Variants in NBEAL1 observed in about 807,000 individuals in gnomAD.
The protein encoded by NBEAL1 is neurobeachin-like protein 1.
A neutral mutation model predicts 351.3 loss-of-function variants in NBEAL1; 273 were observed. That is an observed-to-expected ratio of 0.78 (90% CI 0.70 to 0.86). The LOEUF is 0.86. NBEAL1 is among the 40% of genes least tolerant of loss of function. The probability of loss-of-function intolerance (pLI) is 0.00; values close to 1 mark genes in which losing one functional copy is unlikely to be tolerated. For synonymous variants in NBEAL1, 1,050 were observed against 1,086.4 expected (o/e 0.97, Z 0.66); for missense variants, 2,961 against 3,201.3 (o/e 0.92, Z 1.81).
intron 46 of NBEAL1, among the ~76,000 whole-genome samples, chr2:203,192,130 C>T (rs776509791): frequency 2.2e-4 from 33 of 152,150 alleles, no homozygotes; most frequent in Non-Finnish European, 4.1e-4. Context: ...GAACCTCCAA[C>T]ATTGGTTTTT....
Position 203,049,827 on chromosome 2 carries a change from C to T in NBEAL1, c.157C>T (p.Pro53Ser), listed in dbSNP as rs754292716. 319 of 1,550,898 alleles carry T rather than the reference C, an allele frequency of 2.1e-4. No homozygotes were observed. Among genetic ancestry groups the T allele is most frequent in the Non-Finnish European group, 2.8e-4 (316 of 1,145,846 alleles). ...TTTCTGTTGTAGGGTAGATGATATG[C>T]CTCCAGGAATATCTCTGCTTCCTGA... ...EKLPTRVDDM[P>S]PGISLLPDNI... The change falls in exon 4 of 56, where the codon CCT becomes TCT. Residue 53 changes from proline to serine, a missense_variant. Pro to Ser is a moderately conservative substitution (Grantham distance 74). Transcript: ENST00000683969.
At chr2:203,035,559 AC>A (rs2061028809) in intron 2 of NBEAL1, among the ~76,000 whole-genome samples, 1 of 149,286 alleles carries the variant, frequency 6.7e-6, no homozygotes, top group Non-Finnish European at 1.5e-5. Context: ...AATTGTGGTA[AC>A]CAACATGTTT....
At chr2:203,050,090 C>A in intron 4 of NBEAL1, 115 bp downstream of exon 4, 1 of 927,922 alleles carries the variant, frequency 1.1e-6, no homozygotes, top group Non-Finnish European at 1.6e-6. Context: ...GGGTAGGGTG[C>A]TAGGAGAGGG....
At chr2:203,186,202 G>C (rs2064893187) in intron 44 of NBEAL1, among the ~76,000 whole-genome samples, 1 of 152,208 alleles carries the variant, frequency 6.6e-6, no homozygotes, top group Non-Finnish European at 1.5e-5. Flanking sequence ...CAGCAACTCA[G>C]ATTTGACCCA....
Position 203,221,169 on chromosome 2 carries a change from T to TA in NBEAL1, c.*3815_*3816insA, listed in dbSNP as rs996119279. 1.3e-5 allele frequency among the ~76,000 whole-genome samples: 2 copies of TA among 152,046 alleles called. No individual in the cohort carries two copies. The highest frequency in any genetic ancestry group is 2.9e-5 in the Non-Finnish European group (2 of 67,976). ...GGAAACTGTTAACTTGGATACCAGA[T>TA]TTTTATTTAATGATGATAGAGATAT... On this transcript the variant is annotated 3_prime_UTR_variant, in exon 56 of 56. Transcript: ENST00000683969.
chr2:203,124,977 AT>A (rs371001659), intron 19 of NBEAL1, among the ~76,000 whole-genome samples: 93 of 151,942 alleles, frequency 6.1e-4, no homozygotes, highest in African/African-American at 1.3e-3. Flanking sequence ...CACCAAATGC[AT>A]TTTTTTTCAT....
intron 44 of NBEAL1, among the ~76,000 whole-genome samples, chr2:203,185,560 A>G (rs1219941192): frequency 6.6e-6 from 1 of 152,136 alleles, no homozygotes; most frequent in Non-Finnish European, 1.5e-5. Flanking sequence ...TTTAATCATC[A>G]TCTCCCACAG....
intron 54 of NBEAL1, among the ~76,000 whole-genome samples, chr2:203,213,112 G>A (rs2065832015): frequency 1.3e-5 from 2 of 152,044 alleles, no homozygotes; most frequent in East Asian, 1.9e-4. Context: ...TAAAGGGAAC[G>A]TAAAGACTAT....
chr2:203,145,208 C>A, intron 33 of NBEAL1, 48 bp downstream of exon 33: 1 of 1,534,374 alleles, frequency 6.5e-7, no homozygotes, highest in East Asian at 2.3e-5. Flanking sequence ...TGATTTTAGG[C>A]ATTTAATATT....
At chr2:203,072,273 A>C (rs1394806684) in intron 7 of NBEAL1, among the ~76,000 whole-genome samples, 1 of 152,126 alleles carries the variant, frequency 6.6e-6, no homozygotes, top group African/African-American at 2.4e-5. Context: ...TCAAAATGGT[A>C]GTGTCTTTTC....
At position 203,144,627 on chromosome 2, in the gene NBEAL1, A is replaced by C. The variant is rs2063462525; in HGVS notation, c.4876A>C (p.Asn1626His). The change falls in exon 32 of 56, where the codon AAT (asparagine) becomes CAT (histidine). Residue 1626 changes from asparagine to histidine, a missense_variant. Transcript: ENST00000683969. ...QVCAMASAKLNTLLQTKVIEN... is the reference protein window; with the variant it reads ...QVCAMASAKLHTLLQTKVIEN... Reference sequence around the variant, plus strand: ...TTGTGCAATGGCATCAGCTAAGCTAAATACCCTTCTTCAGACCAAAGTGAT... The same window carrying C: ...TTGTGCAATGGCATCAGCTAAGCTACATACCCTTCTTCAGACCAAAGTGAT... 1.2e-6 allele frequency: 2 copies of C among 1,613,958 alleles called. No individual in the cohort carries two copies. The highest frequency in any genetic ancestry group is 1.7e-6 in the Non-Finnish European group (2 of 1,179,896).
rs1002716718 is a variant in NBEAL1, at chr2:203,107,993, C to T, written c.1754C>T (p.Thr585Ile). ...ACTCCCGTGACTCGAGCAATCCTGA[C>T]AATGGCCCGAAAACTAAGTCTAGAG... ...YVTPVTRAIL[T>I]MARKLSLESA... The change falls in exon 14 of 56, where the codon ACA becomes ATA. Residue 585 changes from threonine to isoleucine, a missense_variant. Physicochemically the swap from Thr to Ile is moderately conservative, Grantham distance 89. Coordinates refer to ENST00000683969, the MANE Select transcript of NBEAL1 (RefSeq NM_001378026.1). The T allele has an allele frequency of 6.4e-7, 1 of 1,554,696 alleles. No homozygotes were observed.
In NBEAL1 at chr2:203,200,295, G is replaced by A. The variant is rs546731478; in HGVS notation, c.7238+848G>A. Among the ~76,000 whole-genome samples, 6 of 152,242 alleles carry A rather than the reference G, an allele frequency of 3.9e-5. No homozygotes were observed. In the East Asian group the frequency reaches 1.2e-3, roughly 29 times the overall value. ...TGGGAGGCAGAGGCAGGCGGATCACGAGGTCAGGAGATCGAGACCATCTTG... is the reference window on the plus strand; with the variant it reads ...TGGGAGGCAGAGGCAGGCGGATCACAAGGTCAGGAGATCGAGACCATCTTG... On this transcript the variant is annotated intron_variant, in intron 49 of 55. Coordinates refer to ENST00000683969, the MANE Select transcript of NBEAL1 (RefSeq NM_001378026.1).
intron 35 of NBEAL1, 70 bp from the exon 36 acceptor site, chr2:203,157,629 C>A: frequency 8.5e-7 from 1 of 1,181,498 alleles, no homozygotes; most frequent in Non-Finnish European, 1.1e-6. Context: ...AATTAGCAGT[C>A]AGAAATTACA....
chr2:203,210,234 A>G (rs576200082), intron 53 of NBEAL1, among the ~76,000 whole-genome samples: 8 of 151,862 alleles, frequency 5.3e-5, no homozygotes, highest in Admixed American at 2.6e-4. Flanking sequence ...ATGGTGGTGC[A>G]TGCCTGTAGT....
In NBEAL1 at chr2:203,218,267, A is replaced by G. The variant is rs1038662727; in HGVS notation, c.*913A>G. 6.6e-6 allele frequency: 1 copy of G among 152,138 alleles called. No individual in the cohort carries two copies. The highest frequency in any genetic ancestry group is 1.5e-5 in the Non-Finnish European group (1 of 68,002). The allele number at this position is 152,138 out of a possible 1,614,324, so 9.4% of individuals were successfully genotyped here. Reference sequence around the variant, plus strand: ...TGTATAACTTAAAATAATCATTTATATATAGTAATTTAAAAATTTCTATTT... The same window carrying G: ...TGTATAACTTAAAATAATCATTTATGTATAGTAATTTAAAAATTTCTATTT... On this transcript the variant is annotated 3_prime_UTR_variant, in exon 56 of 56. Coordinates refer to ENST00000683969, the MANE Select transcript of NBEAL1 (RefSeq NM_001378026.1).
chr2:203,135,111 G>T (rs1244003160), intron 27 of NBEAL1, among the ~76,000 whole-genome samples: 1 of 151,760 alleles, frequency 6.6e-6, no homozygotes, highest in African/African-American at 2.4e-5. Flanking sequence ...AGGAGCCGGA[G>T]GTTGTAGTGA....
rs1320894808 is a variant in NBEAL1, at chr2:203,220,193, G to A, written c.*2839G>A. Among the ~76,000 whole-genome samples, 1 of 152,060 alleles carries A rather than the reference G, an allele frequency of 6.6e-6. No individual in the cohort carries two copies. Among genetic ancestry groups the A allele is most frequent in the Non-Finnish European group, 1.5e-5 (1 of 67,992 alleles). ...AGTATCTCAAGTTGGCTCTTACAAA[G>A]TCTGTTACCTGGCCAATTGTGGTGG... is the stretch of plus-strand genomic sequence containing the variant. On this transcript the variant is annotated 3_prime_UTR_variant, in exon 56 of 56. Transcript: ENST00000683969.
At chr2:203,021,331 T>C (rs1427659659) in intron 2 of NBEAL1, among the ~76,000 whole-genome samples, 1 of 149,872 alleles carries the variant, frequency 6.7e-6, no homozygotes, top group African/African-American at 2.4e-5. Flanking sequence ...TGGTGGCTCA[T>C]GCCTGTAATC....
Sources: gnomAD v4.1 joint callset for allele counts (sites outside exome capture counted in the v4.1 genomes callset) on GRCh38, gnomAD v4.1.1 for gene constraint, MANE v1.5 for transcripts, NCBI Gene and HGNC (gene_info 2026-07-23, HGNC 2026-07-21) for gene names.